The following EPHA6 variants were observed in gnomAD, a reference collection of about 807,000 sequenced individuals.
EPHA6 encodes the protein EPH receptor A6, also known as ephrin type-A receptor 6.
Under a neutral mutation model 112.0 loss-of-function variants are expected in EPHA6, and 50 were observed. The observed-to-expected ratio is 0.45, with a 90% CI of 0.36 to 0.56. EPHA6 has a LOEUF of 0.56. Among genes scored for constraint, EPHA6 ranks in the 20% least tolerant of loss-of-function variants. The pLI, the probability that EPHA6 is intolerant of heterozygous loss-of-function variation, is 0.00. For synonymous variants in EPHA6, 529 were observed against 490.7 expected, an observed-to-expected ratio of 1.08 and a Z score of -1.03; for missense variants, 1,280 against 1,417.4, an observed-to-expected ratio of 0.90 and a Z score of 1.56.
At chr3:97,295,215 A>G (rs2080832758) in intron 5 of EPHA6, among the ~76,000 whole-genome samples, 1 of 152,062 alleles carries the variant, frequency 6.6e-6, no homozygotes, top group African/African-American at 2.4e-5. Flanking sequence ...CAAAATTTGG[A>G]TATTCGTTTG....
At chr3:97,483,774 C>T (rs929237743) in intron 9 of EPHA6, among the ~76,000 whole-genome samples, 160 bp from the exon 10 acceptor site, 2 of 152,096 alleles carry the variant, frequency 1.3e-5, no homozygotes, top group African/African-American at 2.4e-5. Flanking sequence ...TTTTGACCCT[C>T]GTAGTCAAAG....
intron 3 of EPHA6, among the ~76,000 whole-genome samples, chr3:97,069,062 G>A (rs945446153): frequency 5.3e-5 from 8 of 152,094 alleles, no homozygotes; most frequent in African/African-American, 1.4e-4. Context: ...ACTGGGGTTA[G>A]AGGTGCTGTT....
chr3:97,351,736 C>T (rs2083823455), intron 5 of EPHA6, among the ~76,000 whole-genome samples: 1 of 151,884 alleles, frequency 6.6e-6, no homozygotes, highest in Non-Finnish European at 1.5e-5. Context: ...TTAATTTTCC[C>T]TCAAAAGAAT....
At chr3:97,722,656 A>T (rs1370834882) in intron 15 of EPHA6, among the ~76,000 whole-genome samples, 1 of 152,172 alleles carries the variant, frequency 6.6e-6, no homozygotes, top group Non-Finnish European at 1.5e-5. Context: ...TAAGAGACAT[A>T]GTATATAACA....
At chr3:97,446,868 G>A (rs1019975650) in intron 6 of EPHA6, among the ~76,000 whole-genome samples, 1 of 152,016 alleles carries the variant, frequency 6.6e-6, no homozygotes, top group Non-Finnish European at 1.5e-5. Context: ...TGTCACCATC[G>A]ATGATTTATA....
chr3:97,571,681 TG>T (rs1221324567), intron 11 of EPHA6, among the ~76,000 whole-genome samples: 1 of 152,168 alleles, frequency 6.6e-6, no homozygotes. Context: ...AACTCTTTCC[TG>T]TTAAATGCCA....
At chr3:97,187,881 A>G (rs567624808) in intron 3 of EPHA6, among the ~76,000 whole-genome samples, 233 of 152,206 alleles carry the variant, frequency 1.5e-3, no homozygotes, top group Non-Finnish European at 2.9e-3. Flanking sequence ...GGAAGTGATT[A>G]GGAGTAATTA....
chr3:97,146,268 GTGTAGTTTTCTC>G (rs1296941005), intron 3 of EPHA6, among the ~76,000 whole-genome samples: 1 of 151,586 alleles, frequency 6.6e-6, no homozygotes, highest in Non-Finnish European at 1.5e-5. Context: ...TTCTTTCTTA[GTGTAGTTTTCTC>G]TGTAGTTTAC....
intron 3 of EPHA6, among the ~76,000 whole-genome samples, chr3:97,118,226 A>G (rs561610804): frequency 2.0e-5 from 3 of 151,860 alleles, no homozygotes; most frequent in Non-Finnish European, 4.4e-5. Context: ...TCAACTTCTG[A>G]TTCAGAATGC....
intron 1 of EPHA6, among the ~76,000 whole-genome samples, chr3:96,834,431 A>T (rs1462353782): frequency 6.6e-6 from 1 of 151,988 alleles, no homozygotes; most frequent in African/African-American, 2.4e-5. Context: ...ATTAGAAGTA[A>T]GTAGGAAGTA....
intron 12 of EPHA6, among the ~76,000 whole-genome samples, chr3:97,596,203 C>T (rs892101916): frequency 1.3e-5 from 2 of 152,182 alleles, no homozygotes; most frequent in African/African-American, 2.4e-5. Context: ...CCGCGCCCGG[C>T]CATATCAGAC....
At chr3:97,465,788 T>A (rs1006295572) in intron 7 of EPHA6, among the ~76,000 whole-genome samples, 1 of 152,064 alleles carries the variant, frequency 6.6e-6, no homozygotes, top group African/African-American at 2.4e-5. Flanking sequence ...AGGACAACTG[T>A]AGCCTCAAAT....
At chr3:97,454,476 T>C (rs72928235) in intron 7 of EPHA6, among the ~76,000 whole-genome samples, 17,665 of 151,810 alleles carry the variant, frequency 0.12, 1,270 homozygotes, top group Admixed American at 0.23. Context: ...TAAAGAATAG[T>C]ATGTTGCCTA....
chr3:97,266,669 A>G (rs1180175942), intron 5 of EPHA6, among the ~76,000 whole-genome samples: 1 of 152,220 alleles, frequency 6.6e-6, no homozygotes, highest in African/African-American at 2.4e-5. Flanking sequence ...TAGTAATATT[A>G]CACTGATTTG....
At chr3:97,555,843 G>A (rs1281538920) in intron 11 of EPHA6, among the ~76,000 whole-genome samples, 1 of 152,002 alleles carries the variant, frequency 6.6e-6, no homozygotes, top group Non-Finnish European at 1.5e-5. Flanking sequence ...TGTCAGACGA[G>A]TAGGTTGCGA....
intron 11 of EPHA6, among the ~76,000 whole-genome samples, chr3:97,544,386 G>T (rs2092914570): frequency 6.6e-6 from 1 of 152,088 alleles, no homozygotes; most frequent in Admixed American, 6.5e-5. Flanking sequence ...TTATATGCTG[G>T]ATTACATTTA....
rs562186136 is a variant in EPHA6, at chr3:97,368,694, C to T, written c.1607-36456C>T. 4.6e-5 allele frequency among the ~76,000 whole-genome samples: 7 copies of T among 152,108 alleles called. No homozygotes were observed. The East Asian group carries it at 1.3e-3, about 29-fold the overall frequency. Reference sequence around the variant, plus strand: ...TTGAAATTCCAAATTCACCCATTACCCTCTTTAAGAATCTCTAGACAGGCA... The same window carrying T: ...TTGAAATTCCAAATTCACCCATTACTCTCTTTAAGAATCTCTAGACAGGCA... On this transcript the variant is annotated intron_variant, in intron 5 of 17. Coordinates refer to ENST00000389672, the MANE Select transcript of EPHA6 (RefSeq NM_001080448.3).
At chr3:96,905,786 G>A (rs910013881) in intron 2 of EPHA6, among the ~76,000 whole-genome samples, 6 of 151,796 alleles carry the variant, frequency 4.0e-5, no homozygotes, top group East Asian at 1.9e-4. Context: ...TTAATATACC[G>A]TTTGTAGATG....
intron 11 of EPHA6, among the ~76,000 whole-genome samples, chr3:97,560,843 T>C (rs1020586166): frequency 5.9e-5 from 9 of 152,070 alleles, no homozygotes; most frequent in African/African-American, 2.2e-4. Context: ...CAACATTGCA[T>C]TGAGCAAATC....
Sources: allele counts gnomAD v4.1 joint callset (sites outside exome capture counted in the v4.1 genomes callset), GRCh38; gene constraint gnomAD v4.1.1; transcripts MANE v1.5; gene names NCBI Gene and HGNC (gene_info 2026-07-23, HGNC 2026-07-21).